PIEZO1: variants seen among roughly 807,000 people sequenced by gnomAD.
PIEZO1 encodes piezo-type mechanosensitive ion channel component 1.
In PIEZO1, 296 loss-of-function variants were observed where a neutral mutation model predicts 297.2. The observed-to-expected ratio is 1.00, with a 90% CI of 0.91 to 1.10. The LOEUF (loss-of-function observed/expected upper bound fraction) is 1.10. Ranked by LOEUF, PIEZO1 falls within the 50% of genes least tolerant of loss-of-function variation. PIEZO1 has a pLI of 0.00. For synonymous variants in PIEZO1, 2,427 were observed against 1,507.5 expected (o/e 1.61, Z -14.13); for missense variants, 5,018 against 3,455.5 (o/e 1.45, Z -11.34).
At position 88,715,510 on chromosome 16, in the gene PIEZO1, G is replaced by A. The variant is rs1032435811; in HGVS notation, c.*95C>T. ...TGCATCACAGCTGGCGGCCTTGGAC[G>A]GGGCAGTGGCTCCCCCGGCCTGAGG... On this transcript the variant is annotated 3_prime_UTR_variant, in exon 51 of 51. Coordinates refer to ENST00000301015, the MANE Select transcript of PIEZO1 (RefSeq NM_001142864.4). 6.7e-5 allele frequency: 87 copies of A among 1,289,678 alleles called. 1 individual carries two copies. Among genetic ancestry groups the A allele is most frequent in the African/African-American group, 3.2e-4 (22 of 68,338 alleles). The allele number at this position is 1,289,678 out of a possible 1,614,324, so 79.9% of individuals were successfully genotyped here.
chr16:88,744,929 G>A (rs1306708180), intron 2 of PIEZO1, among the ~76,000 whole-genome samples: 9 of 151,980 alleles, frequency 5.9e-5, no homozygotes, highest in Non-Finnish European at 8.8e-5. Context: ...TGACCTGCAC[G>A]GGGCGGGGAG....
In PIEZO1 at chr16:88,722,862, T is replaced by C; in HGVS notation, c.4643A>G (p.Tyr1548Cys). ...CTGCAGGAGCTCCTGTGTGAGGAGG[T>C]AGCGCTCTGCCCGCAGCACGTCGCT... is the stretch of plus-strand genomic sequence containing the variant. ...TMSDVLRAER[Y>C]LLTQELLQGG... Residue 1548 changes from tyrosine (Y) to cysteine (C), a missense_variant, in exon 34 of 51, where the codon TAC becomes TGC. By Grantham distance (194) the Tyr-to-Cys change is radical. Coordinates refer to ENST00000301015, the MANE Select transcript of PIEZO1 (RefSeq NM_001142864.4). 6.5e-7 allele frequency: 1 copy of C among 1,547,520 alleles called. No homozygotes were observed. Among genetic ancestry groups the C allele is most frequent in the Non-Finnish European group, 8.7e-7 (1 of 1,146,760 alleles).
rs1007614385 is a variant in PIEZO1 at position 88,720,868 on chromosome 16, G to C, written c.5669-120C>G. ...TGACAGACAAGCAGACGGAGCACAG[G>C]AAAGCTCCCAGTGTCACTGGCAAGG... On this transcript the variant is annotated intron_variant, in intron 39 of 50. Transcript: ENST00000301015. 4 of 1,194,084 alleles carry C rather than the reference G, an allele frequency of 3.3e-6. No individual in the cohort carries two copies. The African/African-American group carries it at 6.1e-5, about 18-fold the overall frequency. The allele number at this position is 1,194,084 out of a possible 1,614,324, so 74.0% of individuals were successfully genotyped here.
At chr16:88,761,661 T>G (rs1906938807) in intron 1 of PIEZO1, among the ~76,000 whole-genome samples, 1 of 152,074 alleles carries the variant, frequency 6.6e-6, no homozygotes, top group East Asian at 1.9e-4. Context: ...CAAGCAGAGA[T>G]GAGAATGCCC....
Position 88,732,376 on chromosome 16 carries a change from T to A in PIEZO1, c.2950A>T (p.Lys984Ter). 1 of 1,549,632 alleles carries A rather than the reference T, an allele frequency of 6.5e-7. No individual in the cohort carries two copies. Among genetic ancestry groups the A allele is most frequent in the Non-Finnish European group, 8.7e-7 (1 of 1,146,480 alleles). Reference sequence around the variant, plus strand: ...TAGAAGAAGAAGTTGATGAAGTACTTGAGGCAGCCGAGCAGATCCTGGTCC... The same window carrying A: ...TAGAAGAAGAAGTTGATGAAGTACTAGAGGCAGCCGAGCAGATCCTGGTCC... ...QLDQDLLGCL[K>*]YFINFFFYKF... The change falls in exon 21 of 51, where the codon AAG becomes TAG. Residue 984 changes from lysine (K) to a stop codon, truncating the protein, a stop_gained. Transcript: ENST00000301015. LOFTEE classifies it high-confidence loss of function.
intron 1 of PIEZO1, among the ~76,000 whole-genome samples, chr16:88,773,760 G>A (rs1471331902): frequency 6.6e-6 from 1 of 151,916 alleles, no homozygotes; most frequent in South Asian, 2.1e-4. Flanking sequence ...GACAGCAGCT[G>A]CCTACTGGGG....
intron 1 of PIEZO1, among the ~76,000 whole-genome samples, chr16:88,763,610 A>G (rs1341971146): frequency 6.6e-6 from 1 of 152,238 alleles, no homozygotes; most frequent in East Asian, 1.9e-4. Context: ...ACAAATGTGC[A>G]GAGTGAAGAA....
At chr16:88,750,593 C>T (rs1034482630) in intron 1 of PIEZO1, among the ~76,000 whole-genome samples, 2 of 152,196 alleles carry the variant, frequency 1.3e-5, no homozygotes, top group Non-Finnish European at 2.9e-5. Flanking sequence ...AGCTCCCACC[C>T]GGGGTCTCCC....
Position 88,735,213 on chromosome 16 carries a change from G to T in PIEZO1, c.1591C>A (p.Arg531Ser). Residue 531 changes from arginine (R) to serine (S), a missense_variant, in exon 13 of 51, where the codon CGC (arginine) becomes AGC (serine). Physicochemically the swap from Arg to Ser is moderately radical, Grantham distance 110. Transcript: ENST00000301015. ...LYTLTFWLLLRQFVKEKLLKW... is the reference protein window; with the variant it reads ...LYTLTFWLLLSQFVKEKLLKW... ...AGCAGCTTCTCTTTCACAAACTGGC[G>T]CAGCAGGAGCCAGAAGGTCAGGGTG... The T allele has an allele frequency of 6.5e-7, 1 of 1,550,322 alleles. No individual in the cohort carries two copies. The highest frequency in any genetic ancestry group is 8.7e-7 in the Non-Finnish European group (1 of 1,146,836).
At chr16:88,764,800 G>A (rs976727491) in intron 1 of PIEZO1, among the ~76,000 whole-genome samples, 6 of 150,752 alleles carry the variant, frequency 4.0e-5, no homozygotes, top group African/African-American at 1.5e-4. Flanking sequence ...GCCACGGCCT[G>A]CCTTTGACTC....
rs780827083 is a variant in PIEZO1, at chr16:88,721,927, G to A, written c.5095C>T (p.His1699Tyr). The A allele has an allele frequency of 1.3e-6, 2 of 1,550,206 alleles. No individual in the cohort carries two copies. Among genetic ancestry groups the A allele is most frequent in the South Asian group, 2.4e-5 (2 of 84,068 alleles). Residue 1699 changes from histidine to tyrosine, a missense_variant, in exon 37 of 51, where the codon CAC (histidine) becomes TAC (tyrosine). Physicochemically the swap from His to Tyr is moderately conservative, Grantham distance 83. Coordinates refer to ENST00000301015, the MANE Select transcript of PIEZO1 (RefSeq NM_001142864.4). The part of the protein sequence containing the change: ...LLCYFIIILN[H>Y]MVTASAGSLV... ...GAGCCGGCGGAGGCCGTGACCATGT[G>A]GTTGAGGATGATGATGAAGTAGCAG...
In PIEZO1 at chr16:88,733,422, C is replaced by G. The variant is rs914767829; in HGVS notation, c.2520G>C (p.Leu840=). Reference sequence around the variant, plus strand: ...GTGGGTAGGGCAGGGCGAAGGCCCACAGCACCACCAGCAGCAGGTTCATCA... The same window carrying G: ...GTGGGTAGGGCAGGGCGAAGGCCCAGAGCACCACCAGCAGCAGGTTCATCA... ...VSVMNLLLVV[L]WAFALPYPRF... Residue 840 remains leucine, a synonymous_variant, in exon 19 of 51, where the codon CTG becomes CTC. Coordinates refer to ENST00000301015, the MANE Select transcript of PIEZO1 (RefSeq NM_001142864.4). 9.0e-6 allele frequency: 14 copies of G among 1,549,494 alleles called. No homozygotes were observed. In the Admixed American group the frequency reaches 1.4e-4, roughly 15 times the overall value.
Position 88,717,113 on chromosome 16 carries a change from T to C in PIEZO1, c.6570A>G (p.Pro2190=), listed in dbSNP as rs6500491. The C allele has an allele frequency of 0.9, 1,392,379 of 1,551,168 alleles. 625,200 individuals are homozygous for C. Among genetic ancestry groups the C allele is most frequent in the Middle Eastern group, 0.94 (5,646 of 5,992 alleles). ...ILFLIAIIWF[P]LLFMSLVRSV... ...AGCGCACCAGCGACATGAAGAGCAG[T>C]GGGAACCAGATGATGGCGATGAGGA... The change falls in exon 45 of 51, where the codon CCA becomes CCG. Residue 2190 remains proline, a synonymous_variant. Transcript: ENST00000301015.
chr16:88,725,975 C>A, intron 27 of PIEZO1: 5 of 567,562 alleles, frequency 8.8e-6, no homozygotes, highest in Non-Finnish European at 1.6e-5. Flanking sequence ...CTGGGGCAGT[C>A]GTGACACCAC....
chr16:88,732,338 C>T lies in PIEZO1; in HGVS notation c.2988G>A (p.Leu996=), dbSNP rs1232232635. ...GGAGGCAATGTCCTTGCCTCACCTC[C>T]AGCCCGAATTTGTAGAAGAAGAAGT... ...FINFFFYKFG[L]EICFLMAVNV... The change falls in exon 21 of 51, where the codon CTG becomes CTA. Residue 996 remains leucine, a synonymous_variant. Coordinates refer to ENST00000301015, the MANE Select transcript of PIEZO1 (RefSeq NM_001142864.4). 5.4e-5 allele frequency: 83 copies of T among 1,549,020 alleles called. No individual in the cohort carries two copies. The highest frequency in any genetic ancestry group is 6.9e-5 in the Non-Finnish European group (79 of 1,146,096).
chr16:88,742,051 ACCTTGTGACC>A lies in PIEZO1; in HGVS notation c.318_326+1del. 4 of 1,535,928 alleles carry A rather than the reference ACCTTGTGACC, an allele frequency of 2.6e-6. No homozygotes were observed. The highest frequency in any genetic ancestry group is 3.5e-6 in the Non-Finnish European group (4 of 1,146,714). The stretch of plus-strand genomic sequence containing the variant: ...GGTTGGGGGTGGGAGGAATGGTCTT[ACCTTGTGACC>A]CCTATGTGTCGCGAGAGGGTCTCCC... On this transcript the variant is annotated splice_donor_variant and coding_sequence_variant, in exon 4 of 51. Coordinates refer to ENST00000301015, the MANE Select transcript of PIEZO1 (RefSeq NM_001142864.4). LOFTEE classifies it high-confidence loss of function.
intron 30 of PIEZO1, 88 bp from the exon 31 acceptor site, chr16:88,724,059 A>C (rs578040370): frequency 2.6e-6 from 2 of 775,294 alleles, no homozygotes; most frequent in Admixed American, 4.3e-5. Context: ...AAGGCCCGAG[A>C]GCCACCCTTC....
chr16:88,770,111 C>A (rs745879069), intron 1 of PIEZO1, among the ~76,000 whole-genome samples: 8 of 152,182 alleles, frequency 5.3e-5, no homozygotes, highest in Non-Finnish European at 1.0e-4. Context: ...TGCCCACACG[C>A]CCCAGCCCCT....
Position 88,737,790 on chromosome 16 carries a change from C to CAT in PIEZO1, c.1043_1044dup (p.Glu349MetfsTer8). ...TCTGCTAGCTCCAGCTCCCGAGCCT[C>CAT]ATACCCCTTTGCCGCCTCCTTCCTC... On this transcript the variant is annotated frameshift_variant, in exon 9 of 51. Transcript: ENST00000301015. LOFTEE classifies it high-confidence loss of function. 6.5e-7 allele frequency: 1 copy of CAT among 1,535,852 alleles called. No individual in the cohort carries two copies. Among genetic ancestry groups the CAT allele is most frequent in the Non-Finnish European group, 8.7e-7 (1 of 1,146,742 alleles).
Sources: gnomAD v4.1 joint callset for allele counts (sites outside exome capture counted in the v4.1 genomes callset) on GRCh38, gnomAD v4.1.1 for gene constraint, MANE v1.5 for transcripts, NCBI Gene and HGNC (gene_info 2026-07-23, HGNC 2026-07-21) for gene names.